CD99L2: variants seen among roughly 807,000 people sequenced by gnomAD.
The protein encoded by CD99L2 is CD99 molecule like 2.
CD99L2 carries 24 observed loss-of-function variants against 27.3 expected under a neutral mutation model. That is an observed-to-expected ratio of 0.88 (90% CI 0.64 to 1.24). The LOEUF (loss-of-function observed/expected upper bound fraction) is 1.24, where lower values mean the gene tolerates loss of function less well. CD99L2 is among the 50% of genes most tolerant of loss of function. CD99L2 has a pLI of 0.00. For missense variants in CD99L2, 255 were observed against 221.6 expected (o/e 1.15, Z -0.96); for synonymous variants, 97 against 87.9 (o/e 1.10, Z -0.58).
At chrX:150,852,929 C>T (rs981235243) in intron 1 of CD99L2, among the ~76,000 whole-genome samples, 2 of 111,804 alleles carry the variant, frequency 1.8e-5, no homozygotes, top group African/African-American at 6.5e-5. Flanking sequence ...CATGTACAGC[C>T]GGGTTTTCAG....
Position 150,845,227 on chromosome X carries a change from T to A in CD99L2, c.68-13934A>T, listed in dbSNP as rs184204072. 4.5e-5 allele frequency among the ~76,000 whole-genome samples: 5 copies of A among 111,523 alleles called. No individual in the cohort carries two copies. In the Admixed American group the frequency reaches 4.8e-4, roughly 11 times the overall value. ...TCAGAGCTGAGAGCTAGGGAACTAC[T>A]TAGCAAAAGAAAAATGGAGTGGGTG... On this transcript the variant is annotated intron_variant, in intron 1 of 10. Transcript: ENST00000370377.
At chrX:150,793,595 A>G in intron 7 of CD99L2, 96 bp downstream of exon 7, 1 of 718,368 alleles carries the variant, frequency 1.4e-6, no homozygotes, top group East Asian at 3.5e-5. Context: ...TCTGGGAACT[A>G]CCACTCATTT....
chrX:150,894,186 A>C (rs1387127249), intron 1 of CD99L2, among the ~76,000 whole-genome samples: 2 of 111,900 alleles, frequency 1.8e-5, no homozygotes, highest in African/African-American at 3.2e-5. Context: ...GGCAACCACT[A>C]ATCTACTTTC....
intron 1 of CD99L2, among the ~76,000 whole-genome samples, chrX:150,852,219 T>A (rs2046803171): frequency 9.0e-6 from 1 of 111,731 alleles, no homozygotes; most frequent in Non-Finnish European, 1.9e-5. Context: ...ACAACATTTT[T>A]AGAAGTTCGC....
chrX:150,770,935 G>A (rs999865006), intron 9 of CD99L2, among the ~76,000 whole-genome samples: 46 of 112,819 alleles, frequency 4.1e-4, no homozygotes, highest in African/African-American at 1.4e-3. Context: ...GGAGGGGCCA[G>A]CCCACCAGCA....
chrX:150,898,440 G>A lies in CD99L2; in HGVS notation c.67+82C>T, dbSNP rs1257519048. Reference sequence around the variant, plus strand: ...ACCGCAGGCCCGAGAGGCGGGGACCGTGCCGCTCATGCGCAGAGCGACCCC... The same window carrying A: ...ACCGCAGGCCCGAGAGGCGGGGACCATGCCGCTCATGCGCAGAGCGACCCC... On this transcript the variant is annotated intron_variant, in intron 1 of 10. Transcript: ENST00000370377. The A allele has an allele frequency of 7.1e-5, 58 of 818,132 alleles. No individual in the cohort carries two copies. In the Admixed American group the frequency reaches 2.6e-3, roughly 37 times the overall value. 67.4% of individuals were successfully genotyped at this position (818,132 alleles called of 1,213,427 possible).
At chrX:150,780,697 C>T (rs1271885725) in intron 7 of CD99L2, among the ~76,000 whole-genome samples, 1 of 109,138 alleles carries the variant, frequency 9.2e-6, no homozygotes, top group Non-Finnish European at 1.9e-5. Flanking sequence ...AAAAAAAAAG[C>T]GGGCAAAGAA....
At chrX:150,812,658 T>C (rs1287008486) in intron 4 of CD99L2, among the ~76,000 whole-genome samples, 1 of 112,565 alleles carries the variant, frequency 8.9e-6, no homozygotes, top group Non-Finnish European at 1.9e-5. Context: ...AAACTAAACA[T>C]GTAACTACCA....
chrX:150,811,415 C>CA lies in CD99L2; in HGVS notation c.277+3446dup, dbSNP rs1185792960. Reference sequence around the variant, plus strand: ...CCTATAATAGATAGAATTAATAATACAAAAAACTTCCCCAAAAGAAAAGCC... The same window carrying CA: ...CCTATAATAGATAGAATTAATAATACAAAAAAACTTCCCCAAAAGAAAAGCC... On this transcript the variant is annotated intron_variant, in intron 4 of 10. Transcript: ENST00000370377. 3.2e-4 allele frequency among the ~76,000 whole-genome samples: 36 copies of CA among 111,403 alleles called. 1 individual carries two copies. Among genetic ancestry groups the CA allele is most frequent in the Non-Finnish European group, 5.8e-4 (31 of 53,043 alleles).
chrX:150,795,204 ACCT>A lies in CD99L2; in HGVS notation c.429_430+1del, dbSNP rs782075997. 1.4e-5 allele frequency: 17 copies of A among 1,208,987 alleles called. No homozygotes were observed. The East Asian group carries it at 5.0e-4, about 36-fold the overall frequency. ...GACAGAACCAGACCAGGTGGGACTC[ACCT>A]CCTCCTCCAGCAATTGGTTTCCTGC... On this transcript the variant is annotated splice_donor_variant and coding_sequence_variant, in exon 6 of 11. Coordinates refer to ENST00000370377, the MANE Select transcript of CD99L2 (RefSeq NM_031462.4). LOFTEE classifies it high-confidence loss of function.
chrX:150,847,628 C>CT (rs1333887564), intron 1 of CD99L2, among the ~76,000 whole-genome samples: 1 of 110,041 alleles, frequency 9.1e-6, no homozygotes, highest in East Asian at 2.8e-4. Flanking sequence ...CAAATCACTC[C>CT]TCAGTATCTC....
chrX:150,877,231 G>A (rs1396294157), intron 1 of CD99L2, among the ~76,000 whole-genome samples: 2 of 111,379 alleles, frequency 1.8e-5, no homozygotes, highest in African/African-American at 6.5e-5. Context: ...GAGACCTTGG[G>A]AGACACCAAA....
At chrX:150,810,339 C>T (rs2046054262) in intron 4 of CD99L2, among the ~76,000 whole-genome samples, 1 of 111,626 alleles carries the variant, frequency 9.0e-6, no homozygotes, top group African/African-American at 3.3e-5. Context: ...ACAACACACA[C>T]CAAAATAACC....
At chrX:150,824,255 A>G (rs1754005617) in intron 2 of CD99L2, among the ~76,000 whole-genome samples, 1 of 72,518 alleles carries the variant, frequency 1.4e-5, no homozygotes, top group African/African-American at 5.4e-5. Flanking sequence ...GAGGAGGAGG[A>G]GGAAGAAGGA....
chrX:150,883,085 ACTTGAAGCCGGGAGAATCG>A (rs1157106198), intron 1 of CD99L2, among the ~76,000 whole-genome samples: 1 of 111,738 alleles, frequency 8.9e-6, no homozygotes, highest in Non-Finnish European at 1.9e-5. Flanking sequence ...CAGGAAAATC[ACTTGAAGCCGGGAGAATCG>A]CTTGAAGCCG....
intron 1 of CD99L2, among the ~76,000 whole-genome samples, chrX:150,895,055 C>T (rs1370115972): frequency 8.9e-6 from 1 of 111,774 alleles, no homozygotes; most frequent in African/African-American, 3.3e-5. Context: ...CCATATTTTT[C>T]ATCTGAGAAG....
At chrX:150,802,871 G>A (rs1354695859) in intron 4 of CD99L2, among the ~76,000 whole-genome samples, 40 of 55,985 alleles carry the variant, frequency 7.1e-4, no homozygotes, top group South Asian at 2.3e-3. Context: ...GGGAGCCACC[G>A]TGCCCAGCCT....
intron 4 of CD99L2, among the ~76,000 whole-genome samples, chrX:150,802,705 C>T (rs1200528208): frequency 9.8e-6 from 1 of 101,702 alleles, no homozygotes; most frequent in Admixed American, 1.1e-4. Context: ...CCTCAGCCTC[C>T]TGAGTCGCTG....
chrX:150,821,755 T>A (rs1199734879), intron 2 of CD99L2, among the ~76,000 whole-genome samples: 1 of 112,123 alleles, frequency 8.9e-6, no homozygotes, highest in Non-Finnish European at 1.9e-5. Context: ...ATCATACATA[T>A]GATAAATGTA....
Sources: allele counts gnomAD v4.1 joint callset (sites outside exome capture counted in the v4.1 genomes callset), GRCh38; gene constraint gnomAD v4.1.1; transcripts MANE v1.5; gene names NCBI Gene and HGNC (gene_info 2026-07-23, HGNC 2026-07-21).